ADAMTS10: variants seen among roughly 807,000 people sequenced by gnomAD.
ADAMTS10 encodes ADAM metallopeptidase with thrombospondin type 1 motif 10.
A neutral mutation model predicts 135.9 loss-of-function variants in ADAMTS10; 48 were observed. The ratio of observed to expected loss-of-function variants is 0.35; its 90% confidence interval spans 0.28 to 0.45. The LOEUF (loss-of-function observed/expected upper bound fraction) is 0.45, where lower values mean the gene tolerates loss of function less well. Among genes scored for constraint, ADAMTS10 ranks in the 20% least tolerant of loss-of-function variants. The pLI, the probability that ADAMTS10 is intolerant of heterozygous loss-of-function variation, is 1.00. For missense variants in ADAMTS10, 1,131 were observed against 1,565.2 expected, an observed-to-expected ratio of 0.72 and a Z score of 4.68; for synonymous variants, 621 against 647.5, an observed-to-expected ratio of 0.96 and a Z score of 0.62.
chr19:8,594,820 G>A (rs1224769202), intron 12 of ADAMTS10, among the ~76,000 whole-genome samples: 4 of 152,202 alleles, frequency 2.6e-5, no homozygotes, highest in African/African-American at 9.7e-5. Context: ...CAGATGTTGA[G>A]GAGTAGCTTC....
chr19:8,591,143 T>C (rs1165115471), intron 15 of ADAMTS10, among the ~76,000 whole-genome samples: 1 of 152,026 alleles, frequency 6.6e-6, no homozygotes, highest in Non-Finnish European at 1.5e-5. Context: ...AAGCTTCAGC[T>C]ACAACTTTGG....
chr19:8,581,798 G>GTACTC (rs1263703778), intron 25 of ADAMTS10, among the ~76,000 whole-genome samples: 1 of 150,562 alleles, frequency 6.6e-6, no homozygotes, highest in African/African-American at 2.5e-5. Flanking sequence ...TTGCACCACT[G>GTACTC]TACTCCAGCC....
In ADAMTS10 at chr19:8,595,955, T is replaced by C. The variant is rs782391770; in HGVS notation, c.1338-52A>G. 30 of 1,613,842 alleles carry C rather than the reference T, an allele frequency of 1.9e-5. No individual in the cohort carries two copies. In the Admixed American group the frequency reaches 3.3e-4, roughly 18 times the overall value. On this transcript the variant is annotated intron_variant, in intron 11 of 25. Coordinates refer to ENST00000597188, the MANE Select transcript of ADAMTS10 (RefSeq NM_030957.4). ...TGCTAGGTGGCTGCAAATCAAGAGC[T>C]CAGGAGCCTCAGCTGGATGGGGGTC... is the stretch of plus-strand genomic sequence containing the variant.
At chr19:8,589,861 C>T (rs782769609) in intron 16 of ADAMTS10, 28 bp downstream of exon 16, 1 of 1,601,668 alleles carries the variant, frequency 6.2e-7, no homozygotes, top group Non-Finnish European at 8.6e-7. Flanking sequence ...CCTTCACGGC[C>T]CCACAGCCTT....
intron 13 of ADAMTS10, chr19:8,592,314 G>C (rs1235783717): frequency 3.0e-6 from 3 of 986,830 alleles, no homozygotes; most frequent in Admixed American, 5.4e-5. Flanking sequence ...CCTGAGCACA[G>C]GGTGCTTAAC....
At position 8,605,734 on chromosome 19, in the gene ADAMTS10, C is replaced by G; in HGVS notation, c.-24G>C. On this transcript the variant is annotated 5_prime_UTR_variant, in exon 3 of 26. Coordinates refer to ENST00000597188, the MANE Select transcript of ADAMTS10 (RefSeq NM_030957.4). The surrounding 1 kb of genome is among the most constrained non-coding windows in gnomAD (Gnocchi z 7.7). ...ATAGAGGCCACGTGTCCACATGTCT[C>G]TCCCCAGCCCCGGCTGCCGGCAGCC... The G allele has an allele frequency of 6.3e-7, 1 of 1,589,578 alleles. No individual in the cohort carries two copies. The highest frequency in any genetic ancestry group is 1.1e-5 in the South Asian group (1 of 88,428).
Position 8,596,718 on chromosome 19 carries a change from G to A in ADAMTS10, c.1041-133C>T, listed in dbSNP as rs1301708176. ...TGCCTCTCACCTGAAGCTGCATACA[G>A]GAGTGACTGACCACATGAATGAATG... On this transcript the variant is annotated intron_variant, in intron 8 of 25. Transcript: ENST00000597188. This position sits in a 1 kb window ranked among gnomAD's most constrained non-coding sequence, Gnocchi z 7.2. 3.4e-6 allele frequency: 4 copies of A among 1,179,848 alleles called. No homozygotes were observed. Among genetic ancestry groups the A allele is most frequent in the Non-Finnish European group, 4.8e-6 (4 of 826,402 alleles). 73.1% of individuals were successfully genotyped at this position (1,179,848 alleles called of 1,614,324 possible).
chr19:8,596,732 CATGA>C lies in ADAMTS10; in HGVS notation c.1041-151_1041-148del, dbSNP rs2042609929. ...AGCTGCATACAGGAGTGACTGACCA[CATGA>C]ATGAATGAATGCATGCATGCATGCA... On this transcript the variant is annotated intron_variant, in intron 8 of 25. Coordinates refer to ENST00000597188, the MANE Select transcript of ADAMTS10 (RefSeq NM_030957.4). The surrounding 1 kb of genome is among the most constrained non-coding windows in gnomAD (Gnocchi z 7.2). 4 of 1,102,968 alleles carry C rather than the reference CATGA, an allele frequency of 3.6e-6. No homozygotes were observed. The highest frequency in any genetic ancestry group is 1.6e-5 in the African/African-American group (1 of 63,948). The allele number at this position is 1,102,968 out of a possible 1,614,324, so 68.3% of individuals were successfully genotyped here. A position where few individuals can be genotyped will look rare whatever the true frequency, so the allele number is the denominator to read the frequency against.
At position 8,597,082 on chromosome 19, in the gene ADAMTS10, A is replaced by G. The variant is rs879995881; in HGVS notation, c.945T>C (p.Cys315=). The G allele has an allele frequency of 6.2e-7, 1 of 1,613,986 alleles. No individual in the cohort carries two copies. Among genetic ancestry groups the G allele is most frequent in the South Asian group, 1.1e-5 (1 of 91,070 alleles). Residue 315 remains cysteine, a synonymous_variant, in exon 8 of 26, where the codon TGT becomes TGC. Coordinates refer to ENST00000597188, the MANE Select transcript of ADAMTS10 (RefSeq NM_030957.4). ...GGTTCACGATGGATTTCTGCCACTT[A>G]CAGAAGCTGTCCAGGGACTTCCCGG... The part of the protein sequence containing the change: ...HHAGKSLDSF[C]KWQKSIVNHS...
In ADAMTS10 at chr19:8,591,864, C is replaced by T; in HGVS notation, c.1734-1G>A. On this transcript the variant is annotated splice_acceptor_variant, in intron 14 of 25. Transcript: ENST00000597188. LOFTEE classifies it high-confidence loss of function. Reference sequence around the variant, plus strand: ...ACAGTACTTGCCCCCGATGGTTGGCCTGGAAAGGGTGGTGGGATAGGAGAG... The same window carrying T: ...ACAGTACTTGCCCCCGATGGTTGGCTTGGAAAGGGTGGTGGGATAGGAGAG... The T allele has an allele frequency of 1.2e-6, 2 of 1,613,478 alleles. No homozygotes were observed. Among genetic ancestry groups the T allele is most frequent in the Non-Finnish European group, 8.5e-7 (1 of 1,180,014 alleles).
At position 8,603,720 on chromosome 19, in the gene ADAMTS10, C is replaced by G. The variant is rs201882173; in HGVS notation, c.592+8G>C. ...GCCCTCTGCCCATCCCCAGAAAGAC[C>G]GATGTACCTCTCACTCCACAGGCTG... On this transcript the variant is annotated splice_region_variant and intron_variant, in intron 5 of 25. Transcript: ENST00000597188. 3.7e-6 allele frequency: 6 copies of G among 1,613,964 alleles called. No individual in the cohort carries two copies. The highest frequency in any genetic ancestry group is 5.1e-6 in the Non-Finnish European group (6 of 1,180,002).
intron 1 of ADAMTS10, among the ~76,000 whole-genome samples, chr19:8,610,185 C>T (rs1568410499): frequency 1.3e-5 from 2 of 151,932 alleles, no homozygotes; most frequent in African/African-American, 4.8e-5. Context: ...TAGACACCCC[C>T]CCACACCAGA....
At chr19:8,582,268 G>A (rs1555736021) in intron 25 of ADAMTS10, among the ~76,000 whole-genome samples, 1 of 151,774 alleles carries the variant, frequency 6.6e-6, no homozygotes, top group East Asian at 2.0e-4. Flanking sequence ...AGGAGATCGA[G>A]ACCATCCTGG....
At position 8,605,459 on chromosome 19, in the gene ADAMTS10, C is replaced by A; in HGVS notation, c.89-101G>T. 4 of 1,469,068 alleles carry A rather than the reference C, an allele frequency of 2.7e-6. No homozygotes were observed. The highest frequency in any genetic ancestry group is 9.3e-7 in the Non-Finnish European group (1 of 1,080,482). The allele number at this position is 1,469,068 out of a possible 1,614,324, so 91.0% of individuals were successfully genotyped here. Reference sequence around the variant, plus strand: ...GAGCAAGTGATGCTGGCCTCACTGACCCCCGAAATCCAGGGAGTTGGCTGC... The same window carrying A: ...GAGCAAGTGATGCTGGCCTCACTGAACCCCGAAATCCAGGGAGTTGGCTGC... On this transcript the variant is annotated intron_variant, in intron 3 of 25. Coordinates refer to ENST00000597188, the MANE Select transcript of ADAMTS10 (RefSeq NM_030957.4). This position sits in a 1 kb window ranked among gnomAD's most constrained non-coding sequence, Gnocchi z 7.7.
In ADAMTS10 at chr19:8,601,198, C is replaced by T; in HGVS notation, c.593-53G>A. 3 of 1,586,048 alleles carry T rather than the reference C, an allele frequency of 1.9e-6. No individual in the cohort carries two copies. The highest frequency in any genetic ancestry group is 3.4e-5 in the Admixed American group (2 of 58,298). The stretch of plus-strand genomic sequence containing the variant: ...CCTGCCCTGCTGGTGGGACGCAGAG[C>T]TGCCTGACAACTGTCTTGTCCAACC... On this transcript the variant is annotated intron_variant, in intron 5 of 25. Coordinates refer to ENST00000597188, the MANE Select transcript of ADAMTS10 (RefSeq NM_030957.4). This position sits in a 1 kb window ranked among gnomAD's most constrained non-coding sequence, Gnocchi z 4.6.
chr19:8,585,362 G>A, intron 23 of ADAMTS10, 54 bp from the exon 24 acceptor site: 1 of 1,534,292 alleles, frequency 6.5e-7, no homozygotes, highest in South Asian at 1.2e-5. Flanking sequence ...TGCGAAGTGA[G>A]GAGGGGACAG....
At position 8,601,981 on chromosome 19, in the gene ADAMTS10, A is replaced by C. The variant is rs558240392; in HGVS notation, c.593-836T>G. ...GATTGTACAATCCACTGACAATTCC[A>C]CTGCCCGAATGGAATGGTGTGAACC... is the stretch of plus-strand genomic sequence containing the variant. On this transcript the variant is annotated intron_variant, in intron 5 of 25. Transcript: ENST00000597188. This position sits in a 1 kb window ranked among gnomAD's most constrained non-coding sequence, Gnocchi z 4.6. Among the ~76,000 whole-genome samples, 2 of 152,266 alleles carry C rather than the reference A, an allele frequency of 1.3e-5. No individual in the cohort carries two copies. The highest frequency in any genetic ancestry group is 4.8e-5 in the African/African-American group (2 of 41,562).
chr19:8,604,219 T>G (rs1489532195), intron 4 of ADAMTS10, among the ~76,000 whole-genome samples: 2 of 150,828 alleles, frequency 1.3e-5, no homozygotes, highest in African/African-American at 4.9e-5. Flanking sequence ...TTTGGCTAAT[T>G]TTTAAAATTT....
At chr19:8,607,008 G>C (rs2042728473) in intron 2 of ADAMTS10, among the ~76,000 whole-genome samples, 1 of 152,152 alleles carries the variant, frequency 6.6e-6, no homozygotes, top group Non-Finnish European at 1.5e-5. Flanking sequence ...GAAACAGCAA[G>C]GTCAAAGGCC....
Sources: allele counts gnomAD v4.1 joint callset (sites outside exome capture counted in the v4.1 genomes callset), GRCh38; gene constraint gnomAD v4.1.1; non-coding constraint Gnocchi (gnomAD v3.1); transcripts MANE v1.5; gene names NCBI Gene and HGNC (gene_info 2026-07-23, HGNC 2026-07-21).